SPON1: variants seen among roughly 807,000 people sequenced by gnomAD.
SPON1 encodes spondin 1, also known as spondin-1.
Under a neutral mutation model 111.7 loss-of-function variants are expected in SPON1, and 52 were observed. The ratio of observed to expected loss-of-function variants is 0.47; its 90% CI spans 0.37 to 0.59. SPON1 has a LOEUF of 0.59. SPON1 is among the 20% of genes least tolerant of loss of function. The pLI, the probability that SPON1 is intolerant of heterozygous loss-of-function variation, is 0.00. For missense variants in SPON1, 957 were observed against 1,068.5 expected (o/e 0.90, Z 1.46); for synonymous variants, 410 against 395.8 (o/e 1.04, Z -0.43).
chr11:14,151,925 A>C (rs1184776385), intron 6 of SPON1, among the ~76,000 whole-genome samples: 1 of 152,184 alleles, frequency 6.6e-6, no homozygotes, highest in Non-Finnish European at 1.5e-5. Context: ...ATCTGTATCC[A>C]TCAGAATTCC....
At position 14,254,664 on chromosome 11, in the gene SPON1, G is replaced by T; in HGVS notation, c.1027G>T (p.Val343Phe). 2 of 1,614,058 alleles carry T rather than the reference G, an allele frequency of 1.2e-6. No individual in the cohort carries two copies. Among genetic ancestry groups the T allele is most frequent in the South Asian group, 2.2e-5 (2 of 91,082 alleles). Residue 343 changes from valine (V) to phenylalanine (F), a missense_variant, in exon 8 of 16, where the codon GTC becomes TTC. Physicochemically the swap from Val to Phe is conservative, Grantham distance 50 (BLOSUM62 -1). Coordinates refer to ENST00000576479, the MANE Select transcript of SPON1 (RefSeq NM_006108.4). ...TCTGTGCACCAAGGAATGTGGCTGG[G>T]TCCAGAAGGTGGTGCAAGACCTGAT... is the stretch of plus-strand genomic sequence containing the variant. ...EDLCTKECGW[V>F]QKVVQDLIPW... is the part of the protein sequence containing the mutation.
intron 5 of SPON1, among the ~76,000 whole-genome samples, chr11:14,124,186 TCA>T (rs147701989): frequency 1.0e-4 from 15 of 149,842 alleles, no homozygotes; most frequent in South Asian, 2.1e-4. Context: ...ACACACACAC[TCA>T]CACACACACA....
At chr11:14,215,474 C>T (rs1216332693) in intron 6 of SPON1, among the ~76,000 whole-genome samples, 1 of 152,122 alleles carries the variant, frequency 6.6e-6, no homozygotes, top group Non-Finnish European at 1.5e-5. Context: ...GTCTGCATGA[C>T]TCTTCAGCAT....
At chr11:14,020,302 G>A (rs1848471335) in intron 2 of SPON1, among the ~76,000 whole-genome samples, 1 of 152,188 alleles carries the variant, frequency 6.6e-6, no homozygotes, top group African/African-American at 2.4e-5. Flanking sequence ...AAGAGCTGGG[G>A]GAGAGGCAAG....
chr11:14,179,336 G>A (rs1472697956), intron 6 of SPON1, among the ~76,000 whole-genome samples: 2 of 152,212 alleles, frequency 1.3e-5, no homozygotes, highest in Admixed American at 6.5e-5. Flanking sequence ...ACATGCATAT[G>A]TATTTATTTA....
At chr11:13,967,454 T>G (rs1273056929) in intron 1 of SPON1, among the ~76,000 whole-genome samples, 2 of 150,360 alleles carry the variant, frequency 1.3e-5, no homozygotes, top group African/African-American at 2.5e-5. Flanking sequence ...TTTAGAAACA[T>G]GAAGAACCTT....
intron 6 of SPON1, among the ~76,000 whole-genome samples, chr11:14,186,228 A>G (rs1350339267): frequency 6.6e-6 from 1 of 152,242 alleles, no homozygotes; most frequent in Non-Finnish European, 1.5e-5. Context: ...TGCATCCAAC[A>G]CAGTGTGTGA....
intron 6 of SPON1, among the ~76,000 whole-genome samples, chr11:14,177,112 C>T (rs1171482860): frequency 3.3e-5 from 5 of 152,186 alleles, no homozygotes; most frequent in African/African-American, 1.2e-4. Flanking sequence ...GCCATCTCAG[C>T]TCACTGCAAG....
In SPON1 at chr11:14,059,408, G is replaced by A. The variant is rs144605394; in HGVS notation, c.480-15937G>A. Among the ~76,000 whole-genome samples the A allele has an allele frequency of 2.5e-3, 382 of 152,246 alleles. 2 individuals carry two copies. The highest frequency in any genetic ancestry group is 8.1e-3 in the African/African-American group (338 of 41,546). ...AGGTGAAAAAGGCTCTTTTGCATGTGGTCTCAGGCAGGAGGGAATGGGAAA... is the reference window on the plus strand; with the variant it reads ...AGGTGAAAAAGGCTCTTTTGCATGTAGTCTCAGGCAGGAGGGAATGGGAAA... On this transcript the variant is annotated intron_variant, in intron 3 of 15. Coordinates refer to ENST00000576479, the MANE Select transcript of SPON1 (RefSeq NM_006108.4).
intron 5 of SPON1, among the ~76,000 whole-genome samples, chr11:14,080,609 A>G (rs958717040): frequency 7.9e-5 from 12 of 152,308 alleles, no homozygotes; most frequent in African/African-American, 2.6e-4. Context: ...GGCATTTGGT[A>G]ACCTCAATCC....
intron 5 of SPON1, among the ~76,000 whole-genome samples, chr11:14,085,202 G>C (rs1172282344): frequency 2.0e-5 from 3 of 152,292 alleles, no homozygotes; most frequent in Non-Finnish European, 4.4e-5. Flanking sequence ...TGGTGTTGTA[G>C]TCATGAAGTC....
At chr11:14,232,078 T>C (rs77314482) in intron 6 of SPON1, among the ~76,000 whole-genome samples, 2,252 of 152,216 alleles carry the variant, frequency 0.015, 59 homozygotes, top group African/African-American at 0.051. Flanking sequence ...TTCATTTTGG[T>C]AGAGTTCTTT....
At chr11:13,973,842 T>C (rs1286807157) in intron 1 of SPON1, among the ~76,000 whole-genome samples, 1 of 152,206 alleles carries the variant, frequency 6.6e-6, no homozygotes, top group African/African-American at 2.4e-5. Flanking sequence ...ACAGGGAAAT[T>C]TGAACCAAGT....
At chr11:14,131,932 G>T (rs1847534052) in intron 5 of SPON1, among the ~76,000 whole-genome samples, 1 of 152,154 alleles carries the variant, frequency 6.6e-6, no homozygotes, top group Non-Finnish European at 1.5e-5. Flanking sequence ...CTTCCCCCTG[G>T]CCAAGTGCCT....
At chr11:13,995,102 CA>C (rs1848261273) in intron 2 of SPON1, among the ~76,000 whole-genome samples, 1 of 151,946 alleles carries the variant, frequency 6.6e-6, no homozygotes, top group South Asian at 2.1e-4. Context: ...TCTGTTCTAC[CA>C]AACTGTAGGG....
chr11:14,143,598 A>C (rs887440521), intron 6 of SPON1, among the ~76,000 whole-genome samples: 6 of 151,682 alleles, frequency 4.0e-5, no homozygotes, highest in African/African-American at 1.5e-4. Flanking sequence ...TGAAGGTAGA[A>C]GATAAATTTA....
chr11:14,096,592 G>GCA (rs1849103207), intron 5 of SPON1, among the ~76,000 whole-genome samples: 1 of 152,136 alleles, frequency 6.6e-6, no homozygotes, highest in Non-Finnish European at 1.5e-5. Context: ...GCTGCAGGTG[G>GCA]GTGGTCCTCT....
chr11:14,164,298 T>C (rs1388234134), intron 6 of SPON1, among the ~76,000 whole-genome samples: 1 of 152,174 alleles, frequency 6.6e-6, no homozygotes, highest in Non-Finnish European at 1.5e-5. Context: ...GTATCAATCC[T>C]CCCACTCCTT....
Position 14,080,012 on chromosome 11 carries a change from G to T in SPON1, c.667G>T (p.Asp223Tyr), listed in dbSNP as rs782568245. The T allele has an allele frequency of 4.3e-6, 7 of 1,613,914 alleles. No homozygotes were observed. The highest frequency in any genetic ancestry group is 5.9e-6 in the Non-Finnish European group (7 of 1,179,870). The change falls in exon 5 of 16, where the codon GAT becomes TAT. Residue 223 changes from aspartate to tyrosine, a missense_variant. This residue lies in a region of SPON1 where 122 missense variants were observed against 143.2 expected (regional missense o/e 0.85). Coordinates refer to ENST00000576479, the MANE Select transcript of SPON1 (RefSeq NM_006108.4). ...TTGGTCCGAGAAGACACACCCAAAG[G>T]ATTACCCTCGTGAGTAGAGTGGCTA... Reference protein sequence around the residue: ...GNWSEKTHPKDYPRRANHWSA... With the variant: ...GNWSEKTHPKYYPRRANHWSA...
Sources: gnomAD v4.1 joint callset for allele counts (sites outside exome capture counted in the v4.1 genomes callset) on GRCh38, gnomAD v4.1.1 for gene constraint, gnomAD v4.1.1 regional missense constraint, MANE v1.5 for transcripts, NCBI Gene and HGNC (gene_info 2026-07-23, HGNC 2026-07-21) for gene names.